The following ARMC9 variants were observed in gnomAD, a reference collection of about 807,000 sequenced individuals.
ARMC9 encodes the protein lisH domain-containing protein ARMC9.
A neutral mutation model predicts 107.0 loss-of-function variants in ARMC9; 94 were observed. That is an observed-to-expected ratio of 0.88 (90% CI 0.74 to 1.04). The LOEUF (loss-of-function observed/expected upper bound fraction) is 1.04. ARMC9 is among the 50% of genes least tolerant of loss of function. The pLI is 0.00. For synonymous variants in ARMC9, 380 were observed against 396.9 expected (o/e 0.96, Z 0.51); for missense variants, 942 against 1,030.1 (o/e 0.91, Z 1.17).
chr2:231,267,299 C>T (rs966070378), intron 12 of ARMC9, among the ~76,000 whole-genome samples: 6 of 152,182 alleles, frequency 3.9e-5, no homozygotes, highest in South Asian at 2.1e-4. Flanking sequence ...GGCGTGATCT[C>T]GGCTCACTTC....
At chr2:231,311,153 AAGAC>A (rs1212026839) in intron 19 of ARMC9, among the ~76,000 whole-genome samples, 3 of 152,116 alleles carry the variant, frequency 2.0e-5, no homozygotes, top group Admixed American at 6.5e-5. Flanking sequence ...AAAATAGAAA[AAGAC>A]AGAAGCATAG....
chr2:231,233,338 T>TAGAC (rs1559326085), intron 7 of ARMC9, among the ~76,000 whole-genome samples: 1 of 152,220 alleles, frequency 6.6e-6, no homozygotes, highest in African/African-American at 2.4e-5. Context: ...GTTGACTATA[T>TAGAC]AGACATTCAG....
At chr2:231,219,888 G>T (rs1302034113) in intron 5 of ARMC9, among the ~76,000 whole-genome samples, 1 of 151,998 alleles carries the variant, frequency 6.6e-6, no homozygotes, top group Admixed American at 6.6e-5. Flanking sequence ...CCAGGCTGGA[G>T]TGCATGATTA....
At chr2:231,324,724 C>T (rs2043217210) in intron 19 of ARMC9, among the ~76,000 whole-genome samples, 1 of 151,738 alleles carries the variant, frequency 6.6e-6, no homozygotes, top group South Asian at 2.1e-4. Flanking sequence ...GCCTGGGCAA[C>T]AAAAGCAAAA....
chr2:231,348,759 A>C (rs966117318), intron 21 of ARMC9, among the ~76,000 whole-genome samples: 1 of 152,246 alleles, frequency 6.6e-6, no homozygotes, highest in Admixed American at 6.5e-5. Context: ...AGTTGGATTT[A>C]AAAAATGGGC....
At chr2:231,200,133 G>A (rs2030589567) in intron 1 of ARMC9, among the ~76,000 whole-genome samples, 1 of 152,190 alleles carries the variant, frequency 6.6e-6, no homozygotes, top group African/African-American at 2.4e-5. Context: ...ATTAGGCACA[G>A]TGGTTAACCA....
chr2:231,295,035 G>A (rs1229693607), intron 18 of ARMC9: 1 of 152,224 alleles, frequency 6.6e-6, no homozygotes, highest in South Asian at 2.1e-4. Context: ...TCCCTCCTGG[G>A]AATGGTTTGG....
chr2:231,310,720 C>T (rs1019359141), intron 19 of ARMC9, among the ~76,000 whole-genome samples: 30 of 148,454 alleles, frequency 2.0e-4, no homozygotes, highest in South Asian at 1.3e-3. Flanking sequence ...GCCTGGGCAA[C>T]GAGTGAAACT....
Position 231,222,712 on chromosome 2 carries a change from TCCCTTTTTTCTTTA to T in ARMC9, c.505-15_505-2del. The T allele has an allele frequency of 7.3e-7, 1 of 1,375,558 alleles. No individual in the cohort carries two copies. The highest frequency in any genetic ancestry group is 1.0e-6 in the Non-Finnish European group (1 of 973,892). 85.2% of individuals were successfully genotyped at this position (1,375,558 alleles called of 1,614,324 possible). ...AGTAATCTAATGTTTGTATTTTTGT[TCCCTTTTTTCTTTA>T]GGATTCCTGGACTCCAGAGTTAAAG... On this transcript the variant is annotated splice_acceptor_variant and splice_polypyrimidine_tract_variant and intron_variant, in intron 5 of 24. Transcript: ENST00000611582. LOFTEE classifies it high-confidence loss of function.
At chr2:231,315,561 T>A (rs964224036) in intron 19 of ARMC9, among the ~76,000 whole-genome samples, 4 of 152,106 alleles carry the variant, frequency 2.6e-5, no homozygotes, top group African/African-American at 9.7e-5. Context: ...ATAAATAAAT[T>A]GACCACAAAT....
At chr2:231,366,087 G>A (rs2125597697) in intron 23 of ARMC9, among the ~76,000 whole-genome samples, 1 of 152,342 alleles carries the variant, frequency 6.6e-6, no homozygotes, top group East Asian at 1.9e-4. Context: ...ATTGGCTCAT[G>A]TGATTGGAGA....
At chr2:231,265,487 C>A (rs985797954) in intron 12 of ARMC9, among the ~76,000 whole-genome samples, 1 of 152,088 alleles carries the variant, frequency 6.6e-6, no homozygotes, top group African/African-American at 2.4e-5. Context: ...AGTGGGGTAA[C>A]TCAGGAATGG....
In ARMC9 at chr2:231,222,758, T is replaced by C. The variant is rs1248871714; in HGVS notation, c.535T>C (p.Leu179=). ...CTGGACTCCAGAGTTAAAGTTGAAGTTGATAAAGTTTCTAGCTTTAATATC... is the reference window on the plus strand; with the variant it reads ...CTGGACTCCAGAGTTAAAGTTGAAGCTGATAAAGTTTCTAGCTTTAATATC... The part of the protein sequence containing the change: ...DSWTPELKLK[L]IKFLALISKA... The change falls in exon 6 of 25, where the codon TTG becomes CTG. Residue 179 remains leucine (L), a synonymous_variant. Coordinates refer to ENST00000611582, the MANE Select transcript of ARMC9 (RefSeq NM_001352754.2). The C allele has an allele frequency of 1.3e-6, 2 of 1,586,274 alleles. No individual in the cohort carries two copies. Among genetic ancestry groups the C allele is most frequent in the Admixed American group, 1.7e-5 (1 of 59,338 alleles).
chr2:231,280,512 TATATATAC>T (rs1018579046), intron 16 of ARMC9, among the ~76,000 whole-genome samples: 12 of 152,060 alleles, frequency 7.9e-5, no homozygotes, highest in African/African-American at 2.9e-4. Flanking sequence ...AAATGACATA[TATATATAC>T]ATATATACAT....
intron 21 of ARMC9, among the ~76,000 whole-genome samples, chr2:231,349,219 G>A (rs2044938706): frequency 6.6e-6 from 1 of 152,058 alleles, no homozygotes; most frequent in Non-Finnish European, 1.5e-5. Flanking sequence ...AAGAAAATGT[G>A]GTACATATAC....
intron 16 of ARMC9, 68 bp downstream of exon 16, chr2:231,278,526 C>A: frequency 7.3e-7 from 1 of 1,379,028 alleles, no homozygotes; most frequent in South Asian, 1.2e-5. Context: ...CCTGTGACCC[C>A]ACAGGCACAC....
In ARMC9 at chr2:231,255,180, A is replaced by AACACACACAC. The variant is rs3042595; in HGVS notation, c.880-1374_880-1365dup. Among the ~76,000 whole-genome samples, 54 of 146,866 alleles carry AACACACACAC rather than the reference A, an allele frequency of 3.7e-4. No individual in the cohort carries two copies. The highest frequency in any genetic ancestry group is 7.7e-4 in the African/African-American group (31 of 40,144). ...AGCACTACCTGTAGTGGCAAAAAGA[A>AACACACACAC]ACACACACACACACACACACACACA... On this transcript the variant is annotated intron_variant, in intron 9 of 24. Coordinates refer to ENST00000611582, the MANE Select transcript of ARMC9 (RefSeq NM_001352754.2). The surrounding 1 kb of genome is among the most constrained non-coding windows in gnomAD (Gnocchi z 4.7).
At chr2:231,270,693 C>T (rs1157937626) in intron 12 of ARMC9, 4 of 562,974 alleles carry the variant, frequency 7.1e-6, no homozygotes, top group Non-Finnish European at 1.4e-5. Context: ...TGGAAAACAG[C>T]CGCAACGGTA....
At chr2:231,262,614 C>G (rs770609240) in intron 12 of ARMC9, among the ~76,000 whole-genome samples, 1 of 152,168 alleles carries the variant, frequency 6.6e-6, no homozygotes. Context: ...CTCTGGAGCT[C>G]TTTTCTGCCG....
Sources: allele counts gnomAD v4.1 joint callset (sites outside exome capture counted in the v4.1 genomes callset), GRCh38; gene constraint gnomAD v4.1.1; non-coding constraint Gnocchi (gnomAD v3.1); transcripts MANE v1.5; gene names NCBI Gene and HGNC (gene_info 2026-07-23, HGNC 2026-07-21).